Variants in CYP46A1 observed in about 807,000 individuals in gnomAD.
CYP46A1 encodes cytochrome P450 family 46 subfamily A member 1, also known as cholesterol 24-hydroxylase.
In CYP46A1, 20 loss-of-function variants were observed where a neutral mutation model predicts 63.3. The ratio of observed to expected loss-of-function variants is 0.32; its 90% CI spans 0.22 to 0.46. CYP46A1 has a LOEUF of 0.46. Among genes scored for constraint, CYP46A1 ranks in the 20% least tolerant of loss-of-function variants. CYP46A1 has a pLI of 1.00. For missense variants in CYP46A1, 445 were observed against 670.8 expected (o/e 0.66, Z 3.72); for synonymous variants, 268 against 273.6 (o/e 0.98, Z 0.20).
At chr14:99,712,183 C>T (rs1352498500) in intron 7 of CYP46A1, 4 of 152,166 alleles carry the variant, frequency 2.6e-5, no homozygotes, top group African/African-American at 9.7e-5. Flanking sequence ...TAACATCATA[C>T]TTAGTGGGGA....
chr14:99,691,698 A>G, intron 2 of CYP46A1, 82 bp from the exon 3 acceptor site: 1 of 1,324,518 alleles, frequency 7.5e-7, no homozygotes, highest in Non-Finnish European at 1.1e-6. Flanking sequence ...GACGGGAAAC[A>G]TCGGTTTCTC....
intron 7 of CYP46A1, among the ~76,000 whole-genome samples, chr14:99,713,865 CAAAAAAAAAAA>C (rs71113218): frequency 5.9e-5 from 4 of 67,568 alleles, no homozygotes; most frequent in Non-Finnish European, 8.1e-5. Context: ...GACTCCATCT[CAAAAAAAAAAA>C]AAAAAAAAAA....
In CYP46A1 at chr14:99,722,882, C is replaced by T. The variant is rs1436147301; in HGVS notation, c.1176+816C>T. The T allele has an allele frequency of 2.2e-6, 1 of 453,652 alleles. No individual in the cohort carries two copies. The allele number at this position is 453,652 out of a possible 1,614,324, so 28.1% of individuals were successfully genotyped here. ...AACGATGCCATTTCTGTCCGCATGT[C>T]CAGGAACAGTGTGCAAGCCAGCTCC... On this transcript the variant is annotated intron_variant, in intron 12 of 14. Coordinates refer to ENST00000261835, the MANE Select transcript of CYP46A1 (RefSeq NM_006668.2). The surrounding 1 kb of genome is among the most constrained non-coding windows in gnomAD (Gnocchi z 4.6).
Position 99,726,656 on chromosome 14 carries a change from C to T in CYP46A1, c.1432C>T (p.Pro478Ser). 5 of 1,560,524 alleles carry T rather than the reference C, an allele frequency of 3.2e-6. No homozygotes were observed. The highest frequency in any genetic ancestry group is 4.3e-6 in the Non-Finnish European group (5 of 1,153,544). The change falls in exon 15 of 15, where the codon CCA (proline) becomes TCA (serine). Residue 478 changes from proline to serine, a missense_variant. Transcript: ENST00000261835. The stretch of plus-strand genomic sequence containing the variant: ...GCTGCAGGAGCAGGCCACACTCAAG[C>T]CACTGGACCCCGTGCTGTGCACCCT... ...FGLQEQATLKPLDPVLCTLRP... is the reference protein window; with the variant it reads ...FGLQEQATLKSLDPVLCTLRP...
At chr14:99,714,763 AAAAAAAAAAAAAAG>A (rs1245636033) in intron 7 of CYP46A1, among the ~76,000 whole-genome samples, 3 of 150,552 alleles carry the variant, frequency 2.0e-5, no homozygotes, top group African/African-American at 7.3e-5. Context: ...CCCATCTCAA[AAAAAAAAAAAAAAG>A]AAAAGAAAAT....
chr14:99,701,074 T>C (rs2056626823), intron 5 of CYP46A1, among the ~76,000 whole-genome samples: 1 of 152,248 alleles, frequency 6.6e-6, no homozygotes. Context: ...GATAATATTT[T>C]TGTACAATTG....
chr14:99,713,645 A>G (rs1388793682), intron 7 of CYP46A1, among the ~76,000 whole-genome samples: 1 of 151,964 alleles, frequency 6.6e-6, no homozygotes, highest in Non-Finnish European at 1.5e-5. Context: ...TTGGGAGGCC[A>G]AGGCAGGCAG....
Position 99,725,869 on chromosome 14 carries a change from G to A in CYP46A1, c.1266-321G>A, listed in dbSNP as rs1202278690. ...AAGAGCTGGACTCCACAGCCTGCCT[G>A]AGTGTTCAGATCCAGGCTCTGCCCA... On this transcript the variant is annotated intron_variant, in intron 13 of 14. Coordinates refer to ENST00000261835, the MANE Select transcript of CYP46A1 (RefSeq NM_006668.2). The surrounding 1 kb of genome is among the most constrained non-coding windows in gnomAD (Gnocchi z 4.2). Among the ~76,000 whole-genome samples the A allele has an allele frequency of 6.6e-6, 1 of 152,198 alleles. No individual in the cohort carries two copies. Among genetic ancestry groups the A allele is most frequent in the Non-Finnish European group, 1.5e-5 (1 of 68,026 alleles).
chr14:99,717,509 G>A (rs985651077), intron 9 of CYP46A1, among the ~76,000 whole-genome samples: 1 of 152,048 alleles, frequency 6.6e-6, no homozygotes, highest in Non-Finnish European at 1.5e-5. Context: ...TAGGAGCTGG[G>A]CCCTGCTTCC....
In CYP46A1 at chr14:99,725,818, C is replaced by T. The variant is rs886302975; in HGVS notation, c.1265+339C>T. On this transcript the variant is annotated intron_variant, in intron 13 of 14. Transcript: ENST00000261835. This position sits in a 1 kb window ranked among gnomAD's most constrained non-coding sequence, Gnocchi z 4.2. ...CTGCAAGTTGCTGTGGGGGTCAACG[C>T]GTTAAGGTACCGAAGCCATGGTGGG... 2.0e-5 allele frequency among the ~76,000 whole-genome samples: 3 copies of T among 152,148 alleles called. No individual in the cohort carries two copies. The highest frequency in any genetic ancestry group is 2.9e-5 in the Non-Finnish European group (2 of 68,028).
At chr14:99,721,711 C>T (rs1367348377) in intron 11 of CYP46A1, among the ~76,000 whole-genome samples, 2 of 152,096 alleles carry the variant, frequency 1.3e-5, no homozygotes, top group African/African-American at 4.8e-5. Context: ...TGGTGGGACC[C>T]CTGATTCCTG....
At chr14:99,691,975 C>T in intron 3 of CYP46A1, 114 bp downstream of exon 3, 1 of 1,087,620 alleles carries the variant, frequency 9.2e-7, no homozygotes. Flanking sequence ...CGCATTTCGG[C>T]TGGTTTCCCA....
In CYP46A1 at chr14:99,715,899, C is replaced by T. The variant is rs778466149; in HGVS notation, c.783C>T (p.Arg261=). Residue 261 remains arginine, a synonymous_variant, in exon 8 of 15, where the codon CGC becomes CGT. Coordinates refer to ENST00000261835, the MANE Select transcript of CYP46A1 (RefSeq NM_006668.2). ...RQVGRDWVQR[R]REALKRGEEV... ...TGGGCAGGGACTGGGTCCAGCGCCG[C>T]CGGGAAGCCCTGAAGAGGGGCGAGG... 7 of 1,613,614 alleles carry T rather than the reference C, an allele frequency of 4.3e-6. No homozygotes were observed. Among genetic ancestry groups the T allele is most frequent in the Non-Finnish European group, 5.9e-6 (7 of 1,179,902 alleles).
chr14:99,686,035 T>C (rs377757174), intron 1 of CYP46A1, among the ~76,000 whole-genome samples: 1 of 152,206 alleles, frequency 6.6e-6, no homozygotes, highest in Non-Finnish European at 1.5e-5. Context: ...TTTTCCTAAG[T>C]GTCTCTTTTC....
At position 99,722,807 on chromosome 14, in the gene CYP46A1, G is replaced by A. The variant is rs538823995; in HGVS notation, c.1176+741G>A. ...CACCATCGCTGATCAGTTCTCAGGT[G>A]ACAGGCATTTGAGAGGTGTCCAGTT... is the stretch of plus-strand genomic sequence containing the variant. On this transcript the variant is annotated intron_variant, in intron 12 of 14. Transcript: ENST00000261835. This position sits in a 1 kb window ranked among gnomAD's most constrained non-coding sequence, Gnocchi z 4.6. 42 of 405,880 alleles carry A rather than the reference G, an allele frequency of 1.0e-4. 1 individual carries two copies. Among genetic ancestry groups the A allele is most frequent in the South Asian group, 7.0e-4 (41 of 58,292 alleles). 25.1% of individuals were successfully genotyped at this position (405,880 alleles called of 1,614,324 possible).
chr14:99,707,416 A>T, intron 6 of CYP46A1, 152 bp from the exon 7 acceptor site: 1 of 608,800 alleles, frequency 1.6e-6, no homozygotes, highest in Non-Finnish European at 2.9e-6. Context: ...TGGGGATCAA[A>T]TTATCATGGG....
chr14:99,697,093 C>T (rs2056593370), intron 3 of CYP46A1, among the ~76,000 whole-genome samples: 1 of 152,228 alleles, frequency 6.6e-6, no homozygotes, highest in Non-Finnish European at 1.5e-5. Flanking sequence ...GAGAATTCTT[C>T]AGTCTGTAGT....
intron 7 of CYP46A1, 127 bp from the exon 8 acceptor site, chr14:99,715,683 G>C (rs2140134328): frequency 7.9e-7 from 1 of 1,266,862 alleles, no homozygotes; most frequent in Non-Finnish European, 1.1e-6. Context: ...ATCTTTTCTA[G>C]AATTTCTCAC....
At position 99,684,319 on chromosome 14, in the gene CYP46A1, CGAGGCGGCGCGCGGCGCTGACAGCT is replaced by C. The variant is rs1231805051; in HGVS notation, c.-95_-71del. On this transcript the variant is annotated 5_prime_UTR_variant, in exon 1 of 15. Transcript: ENST00000261835. ...TGCTGGGTCGCGCCTGGCCTGGGGCCGAGGCGGCGCGCGGCGCTGACAGCTGAGTCGGCTCGCGGCCTCCCGGCCC... is the reference window on the plus strand; with the variant it reads ...TGCTGGGTCGCGCCTGGCCTGGGGCCGAGTCGGCTCGCGGCCTCCCGGCCC... The C allele has an allele frequency of 9.3e-6, 6 of 642,530 alleles. No homozygotes were observed. The highest frequency in any genetic ancestry group is 4.7e-5 in the East Asian group (1 of 21,166). The allele number at this position is 642,530 out of a possible 1,614,324, so 39.8% of individuals were successfully genotyped here.
Sources: gnomAD v4.1 joint callset for allele counts (sites outside exome capture counted in the v4.1 genomes callset) on GRCh38, gnomAD v4.1.1 for gene constraint, Gnocchi (gnomAD v3.1) non-coding constraint, MANE v1.5 for transcripts, NCBI Gene and HGNC (gene_info 2026-07-23, HGNC 2026-07-21) for gene names.